LMX1A: variants seen among roughly 807,000 people sequenced by gnomAD.
The protein encoded by LMX1A is LIM homeobox transcription factor 1-alpha.
LMX1A carries 15 observed loss-of-function variants against 49.1 expected under a neutral mutation model. The observed-to-expected ratio is 0.31, with a 90% CI of 0.20 to 0.47. LMX1A has a LOEUF of 0.47. Among genes scored for constraint, LMX1A ranks in the 20% least tolerant of loss-of-function variants. The pLI is 1.00. For synonymous variants in LMX1A, 167 were observed against 185.7 expected (o/e 0.90, Z 0.82); for missense variants, 372 against 475.8 (o/e 0.78, Z 2.03).
rs182201057 is a variant in LMX1A, at chr1:165,309,554, A to G, written c.263+43522T>C. 7.7e-4 allele frequency among the ~76,000 whole-genome samples: 118 copies of G among 152,270 alleles called. No homozygotes were observed. The East Asian group carries it at 0.02, about 26-fold the overall frequency. On this transcript the variant is annotated intron_variant, in intron 3 of 8. Transcript: ENST00000342310. ...TTTCCTTGAGGAAGTCCCTCCCACC[A>G]TCTCCAGCCAAGATCTGCCCAATCC...
At chr1:165,296,331 A>G (rs1654620321) in intron 3 of LMX1A, among the ~76,000 whole-genome samples, 1 of 152,268 alleles carries the variant, frequency 6.6e-6, no homozygotes, top group Admixed American at 6.5e-5. Flanking sequence ...GGAAGCACAC[A>G]TGCAAGGCAC....
chr1:165,260,042 C>A (rs746986116), intron 3 of LMX1A, among the ~76,000 whole-genome samples: 4 of 152,172 alleles, frequency 2.6e-5, no homozygotes, highest in Admixed American at 1.3e-4. Context: ...TATTGCCACA[C>A]AGATATGCAC....
intron 3 of LMX1A, among the ~76,000 whole-genome samples, chr1:165,315,778 C>T (rs1011857777): frequency 6.6e-6 from 1 of 152,200 alleles, no homozygotes; most frequent in Non-Finnish European, 1.5e-5. Flanking sequence ...ACATGTGACG[C>T]ATCAAATACC....
intron 3 of LMX1A, among the ~76,000 whole-genome samples, chr1:165,302,211 G>T (rs1470968291): frequency 6.6e-5 from 10 of 151,764 alleles, no homozygotes; most frequent in South Asian, 4.2e-4. Context: ...GCCGGTGGGG[G>T]GCGGGGTGGA....
chr1:165,206,139 C>T (rs2102593808), intron 7 of LMX1A, 105 bp from the exon 8 acceptor site: 1 of 1,016,336 alleles, frequency 9.8e-7, no homozygotes, highest in Non-Finnish European at 1.4e-6. Context: ...GATGAGGTGA[C>T]ATCAGTGGTC....
At chr1:165,336,047 C>T (rs899032559) in intron 3 of LMX1A, among the ~76,000 whole-genome samples, 2 of 152,108 alleles carry the variant, frequency 1.3e-5, no homozygotes, top group African/African-American at 2.4e-5. Flanking sequence ...ATCCATTTAT[C>T]GAGGATCTTT....
intron 3 of LMX1A, among the ~76,000 whole-genome samples, chr1:165,305,861 G>C (rs1654906369): frequency 6.6e-6 from 1 of 152,146 alleles, no homozygotes; most frequent in Non-Finnish European, 1.5e-5. Flanking sequence ...GAGCCAAGGA[G>C]TGACCAACCA....
chr1:165,274,457 G>A (rs1236144236), intron 3 of LMX1A, among the ~76,000 whole-genome samples: 1 of 152,182 alleles, frequency 6.6e-6, no homozygotes, highest in East Asian at 1.9e-4. Context: ...GATTTAGATT[G>A]GATTGAATTG....
Position 165,210,537 on chromosome 1 carries a change from G to A in LMX1A, c.747+162C>T, listed in dbSNP as rs574574635. The A allele has an allele frequency of 1.8e-4, 82 of 457,180 alleles. No homozygotes were observed. In the East Asian group the frequency reaches 2.5e-3, roughly 14 times the overall value. The allele number at this position is 457,180 out of a possible 1,614,324, so 28.3% of individuals were successfully genotyped here. A position where few individuals can be genotyped will look rare whatever the true frequency, so the allele number is the denominator to read the frequency against. On this transcript the variant is annotated intron_variant, in intron 6 of 8. Coordinates refer to ENST00000342310, the MANE Select transcript of LMX1A (RefSeq NM_177398.4). ...CTTCTCTCTCCCCTTCTGCAGGGCTGCTGTGGCCAAAATAATTATTGATAA... is the reference window on the plus strand; with the variant it reads ...CTTCTCTCTCCCCTTCTGCAGGGCTACTGTGGCCAAAATAATTATTGATAA...
rs1465540577 is a variant in LMX1A, at chr1:165,202,323, T to C, written c.*1557A>G. 1 of 152,566 alleles carries C rather than the reference T, an allele frequency of 6.6e-6. No homozygotes were observed. Among genetic ancestry groups the C allele is most frequent in the Non-Finnish European group, 1.5e-5 (1 of 68,076 alleles). The allele number at this position is 152,566 out of a possible 1,614,324, so 9.5% of individuals were successfully genotyped here. A position where few individuals can be genotyped will look rare whatever the true frequency, so the allele number is the denominator to read the frequency against. On this transcript the variant is annotated 3_prime_UTR_variant, in exon 9 of 9. Coordinates refer to ENST00000342310, the MANE Select transcript of LMX1A (RefSeq NM_177398.4). The stretch of plus-strand genomic sequence containing the variant: ...CTAGCACCGCAACTGGAGACCAGGG[T>C]GTGGAACTGTCCCCATGTACAATGG...
chr1:165,278,194 C>A (rs74364062), intron 3 of LMX1A, among the ~76,000 whole-genome samples: 6,224 of 152,264 alleles, frequency 0.041, 432 homozygotes, highest in African/African-American at 0.14. Context: ...TGCTCATAAC[C>A]ACCTTGACGT....
chr1:165,249,379 C>A, intron 4 of LMX1A, 29 bp downstream of exon 4: 1 of 1,542,530 alleles, frequency 6.5e-7, no homozygotes, highest in Non-Finnish European at 9.0e-7. Flanking sequence ...CCCACCCCAC[C>A]GCAGCCCTGC....
intron 4 of LMX1A, among the ~76,000 whole-genome samples, chr1:165,228,920 A>G (rs1202092852): frequency 2.6e-5 from 4 of 152,158 alleles, no homozygotes; most frequent in South Asian, 2.1e-4. Context: ...CTGCTCTTCA[A>G]TTTGTCTCCA....
intron 2 of LMX1A, among the ~76,000 whole-genome samples, chr1:165,354,272 G>C (rs933275594): frequency 2.0e-5 from 3 of 152,036 alleles, no homozygotes; most frequent in Admixed American, 6.5e-5. Context: ...CCACCGGCTC[G>C]GGAGCTGGGC....
At chr1:165,245,259 C>T (rs1323379922) in intron 4 of LMX1A, among the ~76,000 whole-genome samples, 1 of 152,024 alleles carries the variant, frequency 6.6e-6, no homozygotes, top group Admixed American at 6.6e-5. Context: ...CTCCTTCCTC[C>T]CTCTAGAATC....
chr1:165,311,147 T>G (rs1655065538), intron 3 of LMX1A, among the ~76,000 whole-genome samples: 1 of 152,204 alleles, frequency 6.6e-6, no homozygotes, highest in Non-Finnish European at 1.5e-5. Context: ...CAGGGCCCCT[T>G]GCTCTTCCCT....
At chr1:165,231,135 A>G (rs1414975454) in intron 4 of LMX1A, among the ~76,000 whole-genome samples, 6 of 151,698 alleles carry the variant, frequency 4.0e-5, no homozygotes, top group African/African-American at 1.5e-4. Context: ...ATGGTTCTCA[A>G]TCTTTTGATG....
chr1:165,353,576 A>T (rs1363671079), intron 2 of LMX1A, among the ~76,000 whole-genome samples: 2 of 152,246 alleles, frequency 1.3e-5, no homozygotes, highest in African/African-American at 4.8e-5. Context: ...ATTAAATTAC[A>T]TACAAATTTG....
rs1176037118 is a variant in LMX1A, at chr1:165,203,994, G to A, written c.1035C>T (p.Leu345=). 3 of 1,614,024 alleles carry A rather than the reference G, an allele frequency of 1.9e-6. No individual in the cohort carries two copies. Among genetic ancestry groups the A allele is most frequent in the South Asian group, 1.1e-5 (1 of 91,084 alleles). ...CTAGGAAACAATCACCCAGGTTACT[G>A]AGGGAGGTGTCGTCGCTATCCAGGT... ...FHDLDSDDTS[L]SNLGDCFLAT... The change falls in exon 9 of 9, where the codon CTC becomes CTT. Residue 345 remains leucine, a synonymous_variant. Transcript: ENST00000342310.
Sources: gnomAD v4.1 joint callset for allele counts (sites outside exome capture counted in the v4.1 genomes callset) on GRCh38, gnomAD v4.1.1 for gene constraint, MANE v1.5 for transcripts, NCBI Gene and HGNC (gene_info 2026-07-23, HGNC 2026-07-21) for gene names.